Variants in SLC16A7 observed in about 807,000 individuals in gnomAD.
The protein encoded by SLC16A7 is monocarboxylate transporter 2.
In SLC16A7, 33 loss-of-function variants were observed where a neutral mutation model predicts 34.9. The ratio of observed to expected loss-of-function variants is 0.94; its 90% confidence interval spans 0.72 to 1.26. The LOEUF (loss-of-function observed/expected upper bound fraction) is 1.26. Among genes scored for constraint, SLC16A7 ranks in the 50% most tolerant of loss-of-function variants. SLC16A7 has a pLI of 0.00. For missense variants in SLC16A7, 573 were observed against 578.1 expected (o/e 0.99, Z 0.09); for synonymous variants, 201 against 206.6 (o/e 0.97, Z 0.23).
chr12:59,695,208 T>C (rs1006153555), intron 2 of SLC16A7, among the ~76,000 whole-genome samples: 6 of 152,122 alleles, frequency 3.9e-5, no homozygotes, highest in Middle Eastern at 6.8e-3. Flanking sequence ...TAGGCTGTCT[T>C]CTGAGGCTTT....
intron 3 of SLC16A7, among the ~76,000 whole-genome samples, chr12:59,745,437 C>G (rs1344022281): frequency 6.6e-6 from 1 of 152,060 alleles, no homozygotes; most frequent in Non-Finnish European, 1.5e-5. Context: ...GATAATTGCC[C>G]TATGAATTGA....
At chr12:59,741,412 T>G (rs1592616948) in intron 3 of SLC16A7, among the ~76,000 whole-genome samples, 1 of 152,146 alleles carries the variant, frequency 6.6e-6, no homozygotes, top group African/African-American at 2.4e-5. Context: ...GCCAGAAATT[T>G]CCCCTTCTTT....
At chr12:59,617,104 C>T (rs1485887713) in intron 1 of SLC16A7, among the ~76,000 whole-genome samples, 1 of 151,930 alleles carries the variant, frequency 6.6e-6, no homozygotes. Flanking sequence ...TTTTTAGCCT[C>T]ATTTCTTTGC....
chr12:59,610,302 G>A (rs1477732119), intron 1 of SLC16A7, among the ~76,000 whole-genome samples: 1 of 152,132 alleles, frequency 6.6e-6, no homozygotes, highest in Admixed American at 6.5e-5. Flanking sequence ...AAAAGAATGA[G>A]AAAAATGTTG....
chr12:59,760,711 G>A (rs995816075), intron 3 of SLC16A7, among the ~76,000 whole-genome samples: 2 of 151,970 alleles, frequency 1.3e-5, no homozygotes, highest in African/African-American at 2.4e-5. Flanking sequence ...AATACACAGG[G>A]CAAAGGAAGG....
At chr12:59,773,564 A>C (rs1203655601) in intron 4 of SLC16A7, among the ~76,000 whole-genome samples, 1 of 151,316 alleles carries the variant, frequency 6.6e-6, no homozygotes, top group Non-Finnish European at 1.5e-5. Context: ...TATATAAACC[A>C]ATGTACTTTT....
chr12:59,653,860 T>G (rs910418685), intron 1 of SLC16A7, among the ~76,000 whole-genome samples: 3 of 151,662 alleles, frequency 2.0e-5, no homozygotes, highest in Admixed American at 1.3e-4. Context: ...TTCTTTGGCC[T>G]TACTCATGTG....
intron 3 of SLC16A7, among the ~76,000 whole-genome samples, chr12:59,710,655 T>A (rs1272549552): frequency 6.6e-6 from 1 of 152,198 alleles, no homozygotes; most frequent in Non-Finnish European, 1.5e-5. Flanking sequence ...TACTGATGTA[T>A]AAAAAGAACC....
chr12:59,766,771 A>G (rs1014424739), intron 3 of SLC16A7, among the ~76,000 whole-genome samples: 25 of 152,216 alleles, frequency 1.6e-4, no homozygotes, highest in African/African-American at 5.3e-4. Context: ...ATGTTCATCA[A>G]GGATATTGGT....
intron 3 of SLC16A7, among the ~76,000 whole-genome samples, chr12:59,754,946 G>C (rs913408012): frequency 6.6e-6 from 1 of 152,158 alleles, no homozygotes; most frequent in Non-Finnish European, 1.5e-5. Context: ...TGCAAGGCTG[G>C]TTCAATATAC....
At position 59,703,600 on chromosome 12, in the gene SLC16A7, G is replaced by A. The variant is rs547486237; in HGVS notation, c.-30-1172G>A. On this transcript the variant is annotated intron_variant, in intron 2 of 5. Coordinates refer to ENST00000547379, the MANE Select transcript of SLC16A7 (RefSeq NM_001270623.2). ...TTGTGGCAATTAAAAGTCTTATTTAGCTATTTTACTTTAATTAAAAAACAT... is the reference window on the plus strand; with the variant it reads ...TTGTGGCAATTAAAAGTCTTATTTAACTATTTTACTTTAATTAAAAAACAT... Among the ~76,000 whole-genome samples, 16 of 152,160 alleles carry A rather than the reference G, an allele frequency of 1.1e-4. No homozygotes were observed. In the South Asian group the frequency reaches 2.9e-3, roughly 28 times the overall value.
At chr12:59,674,484 G>C (rs1565642835) in intron 2 of SLC16A7, among the ~76,000 whole-genome samples, 1 of 152,300 alleles carries the variant, frequency 6.6e-6, no homozygotes, top group South Asian at 2.1e-4. Flanking sequence ...AAGGAGCTTA[G>C]ATTACACATG....
At chr12:59,668,518 T>A (rs959275668) in intron 2 of SLC16A7, among the ~76,000 whole-genome samples, 3 of 152,222 alleles carry the variant, frequency 2.0e-5, no homozygotes, top group Admixed American at 6.5e-5. Context: ...TTTCTACATT[T>A]AGAATGGGCA....
At chr12:59,719,961 G>A (rs1171210805) in intron 3 of SLC16A7, 2 of 614,634 alleles carry the variant, frequency 3.3e-6, no homozygotes, top group Admixed American at 2.9e-5. Flanking sequence ...AATCTTCTAA[G>A]TAAATATTGG....
intron 2 of SLC16A7, among the ~76,000 whole-genome samples, chr12:59,691,556 C>G (rs1871656143): frequency 1.3e-5 from 2 of 151,990 alleles, no homozygotes; most frequent in Admixed American, 1.3e-4. Flanking sequence ...TCATGTCTCT[C>G]TGGGCCTGAT....
intron 1 of SLC16A7, among the ~76,000 whole-genome samples, chr12:59,598,528 A>T (rs1453117195): frequency 4.6e-5 from 7 of 152,226 alleles, no homozygotes; most frequent in Admixed American, 4.6e-4. Context: ...CATATATCCA[A>T]GTAACTTGAA....
intron 3 of SLC16A7, among the ~76,000 whole-genome samples, chr12:59,712,809 G>A (rs1156330999): frequency 6.6e-6 from 1 of 152,108 alleles, no homozygotes; most frequent in African/African-American, 2.4e-5. Flanking sequence ...CAGCATCATA[G>A]CTTGGTTTTT....
At chr12:59,694,314 A>T (rs1459849616) in intron 2 of SLC16A7, among the ~76,000 whole-genome samples, 1 of 151,936 alleles carries the variant, frequency 6.6e-6, no homozygotes, top group Non-Finnish European at 1.5e-5. Context: ...TTGTAGTCAG[A>T]CACACAAACT....
chr12:59,682,903 C>T (rs1434741222), intron 2 of SLC16A7, among the ~76,000 whole-genome samples: 2 of 151,920 alleles, frequency 1.3e-5, no homozygotes, highest in Non-Finnish European at 2.9e-5. Context: ...CCTGTCTCTA[C>T]TAAAAATACA....
Sources: allele counts gnomAD v4.1 joint callset (sites outside exome capture counted in the v4.1 genomes callset), GRCh38; gene constraint gnomAD v4.1.1; transcripts MANE v1.5; gene names NCBI Gene and HGNC (gene_info 2026-07-23, HGNC 2026-07-21).